The following CCDC7 variants were observed in gnomAD, a reference collection of about 807,000 sequenced individuals.
CCDC7 encodes coiled-coil domain containing 7, also known as coiled-coil domain-containing protein 7.
CCDC7 carries 183 observed loss-of-function variants against 196.9 expected under a neutral mutation model. The ratio of observed to expected loss-of-function variants is 0.93; its 90% CI spans 0.82 to 1.05. The LOEUF (loss-of-function observed/expected upper bound fraction) is 1.05. Ranked by LOEUF, CCDC7 falls within the 50% of genes least tolerant of loss-of-function variation. The pLI, the probability that CCDC7 is intolerant of heterozygous loss-of-function variation, is 0.00. For synonymous variants in CCDC7, 525 were observed against 484.6 expected, an observed-to-expected ratio of 1.08 and a Z score of -1.10; for missense variants, 1,540 against 1,482.2, an observed-to-expected ratio of 1.04 and a Z score of -0.64.
intron 13 of CCDC7, among the ~76,000 whole-genome samples, chr10:32,548,369 C>A (rs1253416413): frequency 6.6e-6 from 1 of 152,062 alleles, no homozygotes; most frequent in Non-Finnish European, 1.5e-5. Flanking sequence ...GAGCAGGTGA[C>A]CAGGGTGACT....
chr10:32,485,405 C>T (rs1314229532), intron 8 of CCDC7, among the ~76,000 whole-genome samples: 1 of 152,098 alleles, frequency 6.6e-6, no homozygotes, highest in African/African-American at 2.4e-5. Flanking sequence ...ATTAGTCTTG[C>T]TAGTGGTCTA....
intron 11 of CCDC7, among the ~76,000 whole-genome samples, chr10:32,541,178 A>G (rs1212775210): frequency 6.6e-6 from 1 of 152,032 alleles, no homozygotes; most frequent in Admixed American, 6.6e-5. Context: ...AAATTCAGGC[A>G]GAAGTAGGAC....
At chr10:32,443,851 T>C (rs866203758), upstream of CCDC7, among the ~76,000 whole-genome samples, 3 of 152,374 alleles carry the variant, frequency 2.0e-5, no homozygotes, top group Admixed American at 6.5e-5. Flanking sequence ...ATTTTGATCA[T>C]AAACGCATTT....
intron 6 of CCDC7, among the ~76,000 whole-genome samples, chr10:32,471,938 C>G (rs1406049481): frequency 2.0e-5 from 3 of 152,104 alleles, no homozygotes. Context: ...CTGCTGTGTA[C>G]TAGCGATTTT....
At position 32,615,453 on chromosome 10, in the gene CCDC7, TTG is replaced by T. The variant is rs750376495; in HGVS notation, c.1802-18799_1802-18798del. Among the ~76,000 whole-genome samples the T allele has an allele frequency of 2.0e-5, 3 of 152,284 alleles. No homozygotes were observed. The East Asian group carries it at 5.8e-4, about 29-fold the overall frequency. On this transcript the variant is annotated intron_variant, in intron 18 of 41. Transcript: ENST00000639629. ...CTAAGATTGGACCGTCTTTCATAGT[TTG>T]TTGGCTGCTTCTGTGTCTTCTTTTG... is the stretch of plus-strand genomic sequence containing the variant.
At chr10:32,547,047 C>G (rs1039757969) in intron 13 of CCDC7, among the ~76,000 whole-genome samples, 2 of 152,018 alleles carry the variant, frequency 1.3e-5, no homozygotes, top group African/African-American at 2.4e-5. Flanking sequence ...TCTACAGGGT[C>G]TCACTCTGTC....
At chr10:32,657,610 T>C (rs2070246605) in intron 20 of CCDC7, among the ~76,000 whole-genome samples, 1 of 152,198 alleles carries the variant, frequency 6.6e-6, no homozygotes, top group African/African-American at 2.4e-5. Context: ...AACCTGGGCC[T>C]GATCCAGGAA....
intron 3 of CCDC7, among the ~76,000 whole-genome samples, chr10:32,462,385 G>A (rs1031994918): frequency 6.6e-6 from 1 of 152,108 alleles, no homozygotes; most frequent in Admixed American, 6.5e-5. Context: ...TGAGTGCACC[G>A]CTGCACTCAA....
Position 32,565,545 on chromosome 10 carries a change from TCTTA to T in CCDC7, c.1135-9_1135-6del. On this transcript the variant is annotated splice_polypyrimidine_tract_variant and intron_variant, in intron 13 of 41. Coordinates refer to ENST00000639629, the Ensembl canonical transcript of CCDC7. ...CAAAGTAAATACCTTTTTTCCCCCT[TCTTA>T]CTTCCTAGAAAGTAGCACGTCTGGA... is the stretch of plus-strand genomic sequence containing the variant. 1 of 1,607,826 alleles carries T rather than the reference TCTTA, an allele frequency of 6.2e-7. No individual in the cohort carries two copies. Among genetic ancestry groups the T allele is most frequent in the Non-Finnish European group, 8.5e-7 (1 of 1,176,962 alleles).
At chr10:32,621,827 A>T (rs908485319) in intron 18 of CCDC7, among the ~76,000 whole-genome samples, 4 of 152,158 alleles carry the variant, frequency 2.6e-5, no homozygotes, top group Non-Finnish European at 2.9e-5. Flanking sequence ...TTTGGATGAC[A>T]CCTGTCCACA....
intron 28 of CCDC7, among the ~76,000 whole-genome samples, chr10:32,736,793 A>G (rs2084941023): frequency 6.6e-6 from 1 of 152,168 alleles, no homozygotes; most frequent in Non-Finnish European, 1.5e-5. Context: ...ATAATGACCT[A>G]TTAGATTTTT....
intron 6 of CCDC7, 141 bp from the exon 8 acceptor site, chr10:32,472,340 G>C: frequency 1.4e-6 from 1 of 704,980 alleles, no homozygotes; most frequent in East Asian, 3.6e-5. Context: ...CTTAGTGTCT[G>C]TGAGTAAAGA....
intron 7 of CCDC7, among the ~76,000 whole-genome samples, chr10:32,473,108 C>T (rs1030269124): frequency 7.9e-5 from 12 of 152,110 alleles, no homozygotes; most frequent in African/African-American, 2.7e-4. Flanking sequence ...GTGGTTGTTA[C>T]TTCCATAAAA....
chr10:32,600,399 C>T (rs755887943), intron 18 of CCDC7, among the ~76,000 whole-genome samples: 16 of 151,658 alleles, frequency 1.1e-4, no homozygotes, highest in Non-Finnish European at 1.8e-4. Context: ...GATTTGTGTA[C>T]ACTGATTTTG....
At chr10:32,482,382 T>C (rs937277173) in intron 8 of CCDC7, among the ~76,000 whole-genome samples, 1 of 139,654 alleles carries the variant, frequency 7.2e-6, no homozygotes, top group African/African-American at 2.5e-5. Flanking sequence ...CTGTATATTT[T>C]CAAATAACTT....
exon 9 of CCDC7, chr10:32,491,980 G>A (rs1185052807): frequency 1.5e-5 from 23 of 1,575,846 alleles, no homozygotes; most frequent in Non-Finnish European, 2.0e-5. Flanking sequence ...TTGAAAACCA[G>A]GCAAATATGT....
At chr10:32,602,795 A>G (rs982847147) in intron 18 of CCDC7, among the ~76,000 whole-genome samples, 5 of 152,122 alleles carry the variant, frequency 3.3e-5, no homozygotes, top group Non-Finnish European at 5.9e-5. Context: ...TATCATCATC[A>G]TTCCTATTTC....
At chr10:32,688,187 C>T (rs1224172859) in intron 22 of CCDC7, among the ~76,000 whole-genome samples, 1 of 152,138 alleles carries the variant, frequency 6.6e-6, no homozygotes, top group East Asian at 1.9e-4. Flanking sequence ...TATCTTAACA[C>T]GCTTACCTCC....
chr10:32,491,074 AT>A (rs974434216), intron 8 of CCDC7, among the ~76,000 whole-genome samples: 1 of 151,548 alleles, frequency 6.6e-6, no homozygotes, highest in African/African-American at 2.4e-5. Context: ...TTTACTTTTC[AT>A]TTTTTTCTCT....
Sources: allele counts gnomAD v4.1 joint callset (sites outside exome capture counted in the v4.1 genomes callset), GRCh38; gene constraint gnomAD v4.1.1; transcripts MANE v1.5; gene names NCBI Gene and HGNC (gene_info 2026-07-23, HGNC 2026-07-21).